The following CCDC201 variants were observed in gnomAD, a reference collection of about 807,000 sequenced individuals.
CCDC201 encodes the protein coiled-coil domain-containing protein 201.
At chr7:45,862,892 A>T (rs796072100) in exon 3 of CCDC201, 53 of 152,430 alleles carry the variant, frequency 3.5e-4, no homozygotes, top group African/African-American at 1.3e-3. Context: ...GCTGACCCTC[A>T]TCAATGTCAA....
At chr7:45,877,651 G>A (rs74514460), upstream of CCDC201, among the ~76,000 whole-genome samples, 504 of 152,150 alleles carry the variant, frequency 3.3e-3, 5 homozygotes, top group African/African-American at 0.011. Context: ...AGTAGGGGAT[G>A]GTGCTAAACC....
chr7:45,863,310 C>CT (rs1786625595), intron 2 of CCDC201, 139 bp from the exon 3 acceptor site: 1 of 152,282 alleles, frequency 6.6e-6, no homozygotes, highest in African/African-American at 2.4e-5. Context: ...ACAATTCTGC[C>CT]TGTGTGCTTC....
chr7:45,884,224 C>T, the CCDC201 span, among the ~76,000 whole-genome samples: 1 of 152,122 alleles, frequency 6.6e-6, no homozygotes, highest in South Asian at 2.1e-4. Context: ...CCTCAGCCTC[C>T]TGAATAGCTA....
the CCDC201 span, among the ~76,000 whole-genome samples, chr7:45,881,248 C>T: frequency 6.6e-6 from 1 of 152,124 alleles, no homozygotes; most frequent in African/African-American, 2.4e-5. Context: ...GGCTCGTCCT[C>T]ATTTCCCTCC....
intron 1 of CCDC201, among the ~76,000 whole-genome samples, chr7:45,869,794 C>T (rs1257636829): frequency 6.6e-6 from 1 of 151,658 alleles, no homozygotes; most frequent in Non-Finnish European, 1.5e-5. Flanking sequence ...TGGAAAACTG[C>T]TACTTTACAG....
At chr7:45,878,945 G>T in the CCDC201 span, among the ~76,000 whole-genome samples, 2 of 152,180 alleles carry the variant, frequency 1.3e-5, no homozygotes, top group Non-Finnish European at 2.9e-5. Context: ...CTTTGCACAT[G>T]CATATGAGCT....
At chr7:45,881,739 C>T in the CCDC201 span, among the ~76,000 whole-genome samples, 12 of 152,306 alleles carry the variant, frequency 7.9e-5, no homozygotes, top group South Asian at 8.3e-4. Context: ...GCAAATGCTT[C>T]GGGATGGCCT....
chr7:45,876,200 A>G (rs535168745), upstream of CCDC201, among the ~76,000 whole-genome samples: 3 of 152,258 alleles, frequency 2.0e-5, no homozygotes, highest in African/African-American at 7.2e-5. Flanking sequence ...AGGACGAAGA[A>G]ACCACAATGA....
chr7:45,878,680 AT>A, the CCDC201 span, among the ~76,000 whole-genome samples: 3 of 152,322 alleles, frequency 2.0e-5, no homozygotes, highest in African/African-American at 7.2e-5. Context: ...CCACAAAGCC[AT>A]TTGCCCCTCC....
intron 1 of CCDC201, among the ~76,000 whole-genome samples, chr7:45,870,869 A>G (rs1786735513): frequency 6.6e-6 from 1 of 152,222 alleles, no homozygotes; most frequent in African/African-American, 2.4e-5. Context: ...CAGCACTGGA[A>G]AGACTTTAAA....
chr7:45,876,216 C>G (rs1207637365), upstream of CCDC201, among the ~76,000 whole-genome samples: 1 of 152,070 alleles, frequency 6.6e-6, no homozygotes, highest in East Asian at 1.9e-4. Context: ...AATGACTTTC[C>G]CAGAGGGCCC....
chr7:45,878,170 C>T, the CCDC201 span, among the ~76,000 whole-genome samples: 1 of 152,262 alleles, frequency 6.6e-6, no homozygotes, highest in South Asian at 2.1e-4. Context: ...CCCTGTGGGA[C>T]TGCAGGGTTC....
At chr7:45,875,388 G>A (rs534723738), upstream of CCDC201, among the ~76,000 whole-genome samples, 4 of 150,202 alleles carry the variant, frequency 2.7e-5, no homozygotes, top group African/African-American at 9.8e-5. Context: ...CCAGCTACTT[G>A]GGAGGCGGAG....
intron 2 of CCDC201, 128 bp from the exon 3 acceptor site, chr7:45,863,299 T>C (rs1786625481): frequency 6.6e-6 from 1 of 152,240 alleles, no homozygotes; most frequent in African/African-American, 2.4e-5. Flanking sequence ...GCCAGCCCTA[T>C]ACAATTCTGC....
upstream of CCDC201, among the ~76,000 whole-genome samples, chr7:45,877,021 G>C (rs58750150): frequency 0.073 from 11,067 of 152,284 alleles, 662 homozygotes; most frequent in African/African-American, 0.16. Context: ...GGCAGGATGA[G>C]GTTCAGAGCC....
exon 3 of CCDC201, chr7:45,860,748 C>T (rs1435331245): frequency 6.6e-6 from 1 of 152,212 alleles, no homozygotes; most frequent in Non-Finnish European, 1.5e-5. Context: ...AGACTCAGTT[C>T]CATAGGCATG....
chr7:45,865,078 T>A (rs1179634528), intron 2 of CCDC201, among the ~76,000 whole-genome samples: 1 of 151,704 alleles, frequency 6.6e-6, no homozygotes, highest in African/African-American at 2.4e-5. Context: ...GCCTTCCAGT[T>A]CTGAGAAAGG....
chr7:45,879,116 C>T, the CCDC201 span, among the ~76,000 whole-genome samples: 11 of 152,230 alleles, frequency 7.2e-5, no homozygotes, highest in African/African-American at 2.7e-4. Context: ...GCAAGATTGA[C>T]CTTTACTCCA....
At chr7:45,881,575 A>C in the CCDC201 span, among the ~76,000 whole-genome samples, 33 of 151,502 alleles carry the variant, frequency 2.2e-4, no homozygotes, top group African/African-American at 7.8e-4. Context: ...GGTCTAACCC[A>C]CCCCCCTTTA....
Sources: gnomAD v4.1 joint callset for allele counts (sites outside exome capture counted in the v4.1 genomes callset) on GRCh38, gnomAD v4.1.1 for gene constraint, MANE v1.5 for transcripts, NCBI Gene and HGNC (gene_info 2026-07-23, HGNC 2026-07-21) for gene names.